Variants in PPFIBP2 observed in about 807,000 individuals in gnomAD.
PPFIBP2 encodes the protein PPFIB scaffold protein 2, also known as liprin-beta-2.
Under a neutral mutation model 118.3 loss-of-function variants are expected in PPFIBP2, and 118 were observed. That is an observed-to-expected ratio of 1.00 (90% CI 0.86 to 1.16). The LOEUF (loss-of-function observed/expected upper bound fraction) is 1.16. Among genes scored for constraint, PPFIBP2 ranks in the 50% most tolerant of loss-of-function variants. The pLI is 0.00. For missense variants in PPFIBP2, 1,195 were observed against 1,073.1 expected (o/e 1.11, Z -1.59); for synonymous variants, 414 against 397.4 (o/e 1.04, Z -0.50).
the PPFIBP2 span, among the ~76,000 whole-genome samples, chr11:7,664,037 A>G: frequency 0.038 from 5,700 of 151,902 alleles, 173 homozygotes; most frequent in African/African-American, 0.074. Context: ...ACTGACCTAC[A>G]CCCACTGTCT....
intron 10 of PPFIBP2, 94 bp from the exon 11 acceptor site, chr11:7,630,831 A>C (rs933385075): frequency 2.2e-6 from 2 of 892,092 alleles, no homozygotes; most frequent in African/African-American, 3.3e-5. Flanking sequence ...AGTCCTTCTT[A>C]ATGAAGGAGA....
At chr11:7,540,469 A>G (rs1851665614) in intron 1 of PPFIBP2, among the ~76,000 whole-genome samples, 1 of 152,132 alleles carries the variant, frequency 6.6e-6, no homozygotes, top group South Asian at 2.1e-4. Flanking sequence ...GGGCATCACC[A>G]AGGTGGGATG....
intron 3 of PPFIBP2, among the ~76,000 whole-genome samples, chr11:7,585,785 T>A (rs1858047908): frequency 6.6e-6 from 1 of 152,208 alleles, no homozygotes; most frequent in Non-Finnish European, 1.5e-5. Context: ...GAGGGTGATG[T>A]CTTTGAGGAG....
rs1310443589 is a variant in PPFIBP2, at chr11:7,648,688, C to T, written c.1798-112C>T. On this transcript the variant is annotated intron_variant, in intron 18 of 23. Coordinates refer to ENST00000299492, the MANE Select transcript of PPFIBP2 (RefSeq NM_003621.5). ...AGCTGCAGGTTGGCATCCCAGGGCA[C>T]GGTGTGGAGATACACTGCCATACTC... 1.1e-5 allele frequency: 16 copies of T among 1,419,392 alleles called. No homozygotes were observed. In the South Asian group the frequency reaches 1.2e-4, roughly 11 times the overall value. 87.9% of individuals were successfully genotyped at this position (1,419,392 alleles called of 1,614,324 possible). A position where few individuals can be genotyped will look rare whatever the true frequency, so the allele number is the denominator to read the frequency against.
chr11:7,663,811 G>A, the PPFIBP2 span, among the ~76,000 whole-genome samples: 9 of 152,346 alleles, frequency 5.9e-5, no homozygotes, highest in South Asian at 8.3e-4. Context: ...CTCCCTGGGC[G>A]TATGACCCTC....
At chr11:7,622,940 T>C (rs1308213761) in intron 7 of PPFIBP2, among the ~76,000 whole-genome samples, 1 of 152,246 alleles carries the variant, frequency 6.6e-6, no homozygotes. Context: ...CTAAGGGTTA[T>C]TTAATAACTA....
At chr11:7,558,769 A>C (rs1485339764) in intron 2 of PPFIBP2, among the ~76,000 whole-genome samples, 2 of 152,046 alleles carry the variant, frequency 1.3e-5, no homozygotes, top group Non-Finnish European at 2.9e-5. Context: ...AAAAAAAAGA[A>C]AGAAAAAAAG....
chr11:7,599,797 ATTTTT>A (rs1200161212), intron 5 of PPFIBP2, among the ~76,000 whole-genome samples: 1 of 117,410 alleles, frequency 8.5e-6, no homozygotes, highest in Non-Finnish European at 1.7e-5. Flanking sequence ...CGCCCGGCTA[ATTTTT>A]TTTTTTTTTT....
intron 6 of PPFIBP2, among the ~76,000 whole-genome samples, chr11:7,617,663 C>T (rs1408333241): frequency 2.6e-5 from 4 of 151,708 alleles, no homozygotes; most frequent in African/African-American, 9.7e-5. Context: ...GGAGATTAAA[C>T]AAACTTTTGT....
At chr11:7,596,041 T>C (rs9919581) in intron 4 of PPFIBP2, among the ~76,000 whole-genome samples, 106,524 of 151,980 alleles carry the variant, frequency 0.7, 37,426 homozygotes, top group East Asian at 0.76. Flanking sequence ...TCCCTTCATT[T>C]GTAATACTTA....
At chr11:7,528,972 C>T (rs1486319699) in intron 1 of PPFIBP2, among the ~76,000 whole-genome samples, 1 of 152,166 alleles carries the variant, frequency 6.6e-6, no homozygotes, top group Non-Finnish European at 1.5e-5. Flanking sequence ...TGCTTCTGTC[C>T]TCAGGGTGGA....
intron 3 of PPFIBP2, among the ~76,000 whole-genome samples, chr11:7,567,964 G>A (rs1278471112): frequency 6.6e-6 from 1 of 152,200 alleles, no homozygotes; most frequent in Non-Finnish European, 1.5e-5. Flanking sequence ...AAAGTCCCAT[G>A]TGGGTTAGGA....
At position 7,639,581 on chromosome 11, in the gene PPFIBP2, C is replaced by G. The variant is rs374048298; in HGVS notation, c.1237-151C>G. The G allele has an allele frequency of 9.2e-6, 9 of 980,912 alleles. No individual in the cohort carries two copies. The South Asian group carries it at 1.3e-4, about 14-fold the overall frequency. The allele number at this position is 980,912 out of a possible 1,614,324, so 60.8% of individuals were successfully genotyped here. Reference sequence around the variant, plus strand: ...TCCTTGGAACTCTGGTCCCCTTTCTCGGACTAGCTAAATAATCTTTGAGGG... The same window carrying G: ...TCCTTGGAACTCTGGTCCCCTTTCTGGGACTAGCTAAATAATCTTTGAGGG... On this transcript the variant is annotated intron_variant, in intron 14 of 23. Transcript: ENST00000299492.
intron 1 of PPFIBP2, among the ~76,000 whole-genome samples, chr11:7,526,343 G>A (rs139377629): frequency 7.9e-5 from 12 of 152,308 alleles, no homozygotes; most frequent in Non-Finnish European, 1.3e-4. Flanking sequence ...GCCCAAGTGA[G>A]TGAAGTGGGA....
At chr11:7,655,848 A>G (rs1854636562), downstream of PPFIBP2, among the ~76,000 whole-genome samples, 1 of 152,036 alleles carries the variant, frequency 6.6e-6, no homozygotes, top group Admixed American at 6.6e-5. Context: ...CCTAGAGCCC[A>G]GGCTGCATCC....
Position 7,541,610 on chromosome 11 carries a change from T to G in PPFIBP2, c.-36-7830T>G, listed in dbSNP as rs181946468. ...TCAGGGAGTCCTGGGGCTTCCTCTGTTTTTATACCACTTCTTAAGTCACTT... is the reference window on the plus strand; with the variant it reads ...TCAGGGAGTCCTGGGGCTTCCTCTGGTTTTATACCACTTCTTAAGTCACTT... On this transcript the variant is annotated intron_variant, in intron 1 of 23. Coordinates refer to ENST00000299492, the MANE Select transcript of PPFIBP2 (RefSeq NM_003621.5). Among the ~76,000 whole-genome samples, 5 of 152,278 alleles carry G rather than the reference T, an allele frequency of 3.3e-5. No homozygotes were observed. The East Asian group carries it at 9.7e-4, about 29-fold the overall frequency.
chr11:7,588,157 G>A (rs1216888457), intron 3 of PPFIBP2, among the ~76,000 whole-genome samples: 1 of 152,186 alleles, frequency 6.6e-6, no homozygotes, highest in Non-Finnish European at 1.5e-5. Flanking sequence ...AACTTATCAA[G>A]AGTAAATTTC....
In PPFIBP2 at chr11:7,653,015, G is replaced by A. The variant is rs373521858; in HGVS notation, c.2437-9G>A. The stretch of plus-strand genomic sequence containing the variant: ...GCCTTCTCATAATCTTGCATTTTCT[G>A]TGTTTTAGCCAAGGAAACTAGGATT... On this transcript the variant is annotated splice_polypyrimidine_tract_variant and intron_variant, in intron 23 of 23. Coordinates refer to ENST00000299492, the MANE Select transcript of PPFIBP2 (RefSeq NM_003621.5). 17 of 1,600,820 alleles carry A rather than the reference G, an allele frequency of 1.1e-5. No homozygotes were observed. The highest frequency in any genetic ancestry group is 2.6e-6 in the Non-Finnish European group (3 of 1,171,074).
Position 7,649,239 on chromosome 11 carries a change from A to G in PPFIBP2, c.1998+4A>G. The G allele has an allele frequency of 1.2e-6, 2 of 1,610,302 alleles. No homozygotes were observed. Among genetic ancestry groups the G allele is most frequent in the Non-Finnish European group, 1.7e-6 (2 of 1,176,892 alleles). On this transcript the variant is annotated splice_donor_region_variant and intron_variant, in intron 20 of 23. Coordinates refer to ENST00000299492, the MANE Select transcript of PPFIBP2 (RefSeq NM_003621.5). ...AATGCTGCAATACCTAACTGTGGTGAGGACTTTTTCTTTAAATATTTCAGT... is the reference window on the plus strand; with the variant it reads ...AATGCTGCAATACCTAACTGTGGTGGGGACTTTTTCTTTAAATATTTCAGT...
Sources: allele counts gnomAD v4.1 joint callset (sites outside exome capture counted in the v4.1 genomes callset), GRCh38; gene constraint gnomAD v4.1.1; transcripts MANE v1.5; gene names NCBI Gene and HGNC (gene_info 2026-07-23, HGNC 2026-07-21).